The following ASTN2 variants were observed in gnomAD, a reference collection of about 807,000 sequenced individuals.
The protein encoded by ASTN2 is astrotactin-2.
Under a neutral mutation model 139.8 loss-of-function variants are expected in ASTN2, and 54 were observed. The ratio of observed to expected loss-of-function variants is 0.39; its 90% CI spans 0.31 to 0.48. The LOEUF (loss-of-function observed/expected upper bound fraction) is 0.48, where lower values mean the gene tolerates loss of function less well. Among genes scored for constraint, ASTN2 ranks in the 20% least tolerant of loss-of-function variants. ASTN2 has a pLI of 0.95. For missense variants in ASTN2, 1,565 were observed against 1,725.1 expected, an observed-to-expected ratio of 0.91 and a Z score of 1.64; for synonymous variants, 756 against 719.5, an observed-to-expected ratio of 1.05 and a Z score of -0.81.
intron 10 of ASTN2, among the ~76,000 whole-genome samples, chr9:116,973,804 C>T (rs1323114865): frequency 2.0e-5 from 3 of 152,152 alleles, no homozygotes; most frequent in African/African-American, 7.2e-5. Flanking sequence ...TCCTAGTAAT[C>T]ACTATTTCAT....
intron 17 of ASTN2, among the ~76,000 whole-genome samples, chr9:116,638,720 G>T (rs1052147110): frequency 1.3e-5 from 2 of 152,144 alleles, no homozygotes; most frequent in Non-Finnish European, 2.9e-5. Flanking sequence ...AATAAAAAGA[G>T]AGATAGACAG....
chr9:116,587,945 G>A (rs1854225271), intron 19 of ASTN2, among the ~76,000 whole-genome samples: 1 of 152,170 alleles, frequency 6.6e-6, no homozygotes, highest in Non-Finnish European at 1.5e-5. Flanking sequence ...ATGTAGAGAA[G>A]AGTTTGAAAG....
chr9:116,846,421 A>G (rs1832433075), intron 11 of ASTN2, among the ~76,000 whole-genome samples: 1 of 152,216 alleles, frequency 6.6e-6, no homozygotes, highest in Non-Finnish European at 1.5e-5. Context: ...GAAAGGCATA[A>G]TGGTTCCTAA....
intron 11 of ASTN2, among the ~76,000 whole-genome samples, chr9:116,856,024 T>C (rs2132329770): frequency 6.6e-6 from 1 of 152,294 alleles, no homozygotes; most frequent in Admixed American, 6.5e-5. Flanking sequence ...GTGAACCTAT[T>C]TGACTAGAGG....
chr9:116,538,834 C>T (rs1354583247), intron 19 of ASTN2, among the ~76,000 whole-genome samples: 1 of 148,606 alleles, frequency 6.7e-6, no homozygotes, highest in Non-Finnish European at 1.5e-5. Context: ...TAAGTACAAT[C>T]CTTAACATTT....
At chr9:117,124,493 T>C (rs181391965) in intron 4 of ASTN2, among the ~76,000 whole-genome samples, 1 of 152,314 alleles carries the variant, frequency 6.6e-6, no homozygotes, top group East Asian at 1.9e-4. Flanking sequence ...ACAGCAATAA[T>C]GATCATTAAT....
intron 9 of ASTN2, 108 bp downstream of exon 9, chr9:116,976,006 C>T (rs767446957): frequency 1.7e-5 from 17 of 1,021,606 alleles, no homozygotes; most frequent in African/African-American, 1.6e-5. Context: ...GTACTCAGTG[C>T]AGCTCAGAAG....
chr9:116,742,035 A>G (rs1829108867), intron 13 of ASTN2, among the ~76,000 whole-genome samples: 1 of 152,228 alleles, frequency 6.6e-6, no homozygotes, highest in Non-Finnish European at 1.5e-5. Context: ...TCCTCCAGTT[A>G]CTCACAGGCT....
chr9:116,935,717 C>G (rs1835048225), intron 10 of ASTN2, among the ~76,000 whole-genome samples: 1 of 152,156 alleles, frequency 6.6e-6, no homozygotes, highest in Admixed American at 6.5e-5. Context: ...GTTTCCTCAA[C>G]TGCAAGATAA....
intron 1 of ASTN2, among the ~76,000 whole-genome samples, chr9:117,338,548 A>T (rs1828964543): frequency 6.6e-6 from 1 of 152,128 alleles, no homozygotes; most frequent in South Asian, 2.1e-4. Context: ...AATTAATTGG[A>T]AAAACAGAGG....
chr9:116,748,419 G>A (rs1829308982), intron 13 of ASTN2, among the ~76,000 whole-genome samples: 1 of 152,174 alleles, frequency 6.6e-6, no homozygotes, highest in South Asian at 2.1e-4. Flanking sequence ...CTCAATCCCC[G>A]AGGGGTCTAG....
At chr9:117,023,939 C>T (rs1255668968) in intron 6 of ASTN2, among the ~76,000 whole-genome samples, 1 of 152,068 alleles carries the variant, frequency 6.6e-6, no homozygotes, top group African/African-American at 2.4e-5. Context: ...CATAAGCACG[C>T]ACCTGTTGTC....
intron 11 of ASTN2, among the ~76,000 whole-genome samples, chr9:116,858,019 A>C (rs1314547762): frequency 2.6e-5 from 4 of 152,184 alleles, no homozygotes; most frequent in African/African-American, 9.6e-5. Flanking sequence ...GGGGAGCCCA[A>C]GAAAAAATCC....
intron 1 of ASTN2, among the ~76,000 whole-genome samples, chr9:117,349,085 T>TGATCATCACGGACCTGGGTCAAAAAG (rs1829311310): frequency 6.6e-6 from 1 of 152,218 alleles, no homozygotes; most frequent in Non-Finnish European, 1.5e-5. Flanking sequence ...GGAGGCCCAT[T>TGATCATCACGGACCTGGGTCAAAAAG]GATCATCACG....
Position 117,039,844 on chromosome 9 carries a change from A to G in ASTN2, c.1398T>C (p.His466=), listed in dbSNP as rs769221498. ...CATCTGCTATGAAGTGCTCGGGCAC[A>G]TGCAGAGTCACCTTCACAGTGAGTG... The part of the protein sequence containing the change: ...SCPLTVKVTL[H]VPEHFIADGS... The change falls in exon 6 of 23, where the codon CAT becomes CAC. Residue 466 remains histidine (H), a synonymous_variant. Coordinates refer to ENST00000313400, the MANE Select transcript of ASTN2 (RefSeq NM_001365068.1). 6.2e-7 allele frequency: 1 copy of G among 1,613,770 alleles called. No individual in the cohort carries two copies. Among genetic ancestry groups the G allele is most frequent in the Admixed American group, 1.7e-5 (1 of 60,000 alleles).
chr9:116,938,706 G>T (rs1000679739), intron 10 of ASTN2, among the ~76,000 whole-genome samples: 1 of 152,096 alleles, frequency 6.6e-6, no homozygotes, highest in African/African-American at 2.4e-5. Context: ...CATTATCTGG[G>T]CTTCAATATA....
chr9:117,052,433 T>TCA (rs375714439), intron 5 of ASTN2, among the ~76,000 whole-genome samples: 2,435 of 124,970 alleles, frequency 0.019, 161 homozygotes, highest in African/African-American at 0.067. Flanking sequence ...AGACTCCATC[T>TCA]TAAAAAAAAA....
intron 10 of ASTN2, among the ~76,000 whole-genome samples, chr9:116,921,457 G>A (rs972876808): frequency 1.3e-5 from 2 of 151,984 alleles, no homozygotes; most frequent in African/African-American, 4.8e-5. Flanking sequence ...GTGTGGTGGA[G>A]GTCGCCTGTA....
At chr9:117,353,698 C>G (rs1829454342) in intron 1 of ASTN2, among the ~76,000 whole-genome samples, 1 of 152,146 alleles carries the variant, frequency 6.6e-6, no homozygotes, top group South Asian at 2.1e-4. Context: ...CCAATCCATC[C>G]ATTACATGGA....
Sources: gnomAD v4.1 joint callset for allele counts (sites outside exome capture counted in the v4.1 genomes callset) on GRCh38, gnomAD v4.1.1 for gene constraint, MANE v1.5 for transcripts, NCBI Gene and HGNC (gene_info 2026-07-23, HGNC 2026-07-21) for gene names.